PLD1: variants seen among roughly 807,000 people sequenced by gnomAD.
The protein encoded by PLD1 is choline phosphatase 1.
PLD1 carries 112 observed loss-of-function variants against 137.1 expected under a neutral mutation model. The ratio of observed to expected loss-of-function variants is 0.82; its 90% confidence interval spans 0.70 to 0.96. The LOEUF (loss-of-function observed/expected upper bound fraction) is 0.96, where lower values mean the gene tolerates loss of function less well. Among genes scored for constraint, PLD1 ranks in the 40% least tolerant of loss-of-function variants. The pLI is 0.00. For missense variants in PLD1, 1,321 were observed against 1,342.0 expected, an observed-to-expected ratio of 0.98 and a Z score of 0.24; for synonymous variants, 431 against 454.7, an observed-to-expected ratio of 0.95 and a Z score of 0.66.
chr3:171,675,665 T>G (rs1412468429), intron 18 of PLD1, among the ~76,000 whole-genome samples: 16 of 152,226 alleles, frequency 1.1e-4, no homozygotes. Context: ...AAATTTTTGT[T>G]AAAAAATTTC....
At chr3:171,751,735 T>G (rs1720674736) in intron 1 of PLD1, among the ~76,000 whole-genome samples, 1 of 152,210 alleles carries the variant, frequency 6.6e-6, no homozygotes, top group Admixed American at 6.5e-5. Flanking sequence ...GCGCGGTGGC[T>G]CACGCCTGTA....
intron 1 of PLD1, among the ~76,000 whole-genome samples, chr3:171,794,681 G>C (rs983359230): frequency 6.7e-5 from 3 of 44,602 alleles, no homozygotes; most frequent in Non-Finnish European, 1.5e-4. Flanking sequence ...TATTCCTCTA[G>C]TATTAAAAAA....
chr3:171,676,712 T>G lies in PLD1; in HGVS notation c.2115+3A>C, dbSNP rs1430296820. On this transcript the variant is annotated splice_donor_region_variant and intron_variant, in intron 18 of 26. Coordinates refer to ENST00000351298, the MANE Select transcript of PLD1 (RefSeq NM_002662.5). ...ATAAATCATGATAGCAACATCCAAG[T>G]ACTTTTGTGAAGTTCCAGCGCTGGA... 4.4e-6 allele frequency: 7 copies of G among 1,606,800 alleles called. No homozygotes were observed. In the African/African-American group the frequency reaches 9.4e-5, roughly 21 times the overall value.
chr3:171,609,876 G>A (rs1380184494), intron 25 of PLD1, among the ~76,000 whole-genome samples: 1 of 152,016 alleles, frequency 6.6e-6, no homozygotes, highest in African/African-American at 2.4e-5. Flanking sequence ...TAACAAAACT[G>A]TACCTGTACT....
chr3:171,751,741 C>T (rs879319358), intron 1 of PLD1, among the ~76,000 whole-genome samples: 5 of 152,192 alleles, frequency 3.3e-5, no homozygotes, highest in Admixed American at 6.5e-5. Context: ...TGGCTCACGC[C>T]TGTAATCCCA....
rs187570378 is a variant in PLD1, at chr3:171,687,578, C to A, written c.1546G>T (p.Ala516Ser). The A allele has an allele frequency of 1.2e-6, 2 of 1,608,678 alleles. No individual in the cohort carries two copies. The highest frequency in any genetic ancestry group is 2.7e-5 in the African/African-American group (2 of 74,338). ...CTTAAGGATTCCATAGACTCCATTG[C>A]GGCAGGCTGAGAAAAATTTTTTTTT... ...GPSLGSLPPAAMESMESLRLK... is the reference protein window; with the variant it reads ...GPSLGSLPPASMESMESLRLK... The change falls in exon 15 of 27, where the codon GCA becomes TCA. Residue 516 changes from alanine (A) to serine (S), a missense_variant. Ala to Ser is a moderately conservative substitution (Grantham distance 99). Transcript: ENST00000351298.
chr3:171,677,494 C>T, intron 17 of PLD1, 72 bp downstream of exon 17: 1 of 1,450,052 alleles, frequency 6.9e-7, no homozygotes, highest in Non-Finnish European at 9.5e-7. Context: ...AGATCATGCA[C>T]ATGTATACTT....
intron 1 of PLD1, among the ~76,000 whole-genome samples, chr3:171,740,099 C>A (rs1290022019): frequency 6.6e-6 from 1 of 152,170 alleles, no homozygotes; most frequent in Non-Finnish European, 1.5e-5. Context: ...GTTCTTTTAA[C>A]ACGAAAACCC....
Position 171,644,904 on chromosome 3 carries a change from T to C in PLD1, c.2543+6A>G. The C allele has an allele frequency of 6.4e-7, 1 of 1,563,398 alleles. No homozygotes were observed. Among genetic ancestry groups the C allele is most frequent in the Non-Finnish European group, 8.8e-7 (1 of 1,133,560 alleles). ...GCTCAAAATAGACCATTTAGAGTTT[T>C]GGCACCTGTAGTTGAAGTGCATGAT... On this transcript the variant is annotated splice_donor_region_variant and intron_variant, in intron 22 of 26. Transcript: ENST00000351298.
intron 23 of PLD1, among the ~76,000 whole-genome samples, chr3:171,632,850 C>T (rs539405993): frequency 6.6e-6 from 1 of 152,250 alleles, no homozygotes; most frequent in African/African-American, 2.4e-5. Flanking sequence ...TGTGCCATGC[C>T]AAAGCAGGCC....
In PLD1 at chr3:171,612,775, T is replaced by C. The variant is rs1311288155; in HGVS notation, c.2729-343A>G. On this transcript the variant is annotated intron_variant, in intron 24 of 26. Transcript: ENST00000351298. The surrounding 1 kb of genome is among the most constrained non-coding windows in gnomAD (Gnocchi z 4.1). ...TTCTGTCTCTTCCATCCTTTGGATA[T>C]CTTGGCTTGAAGGGTTGGAAGAAGA... Among the ~76,000 whole-genome samples, 1 of 152,188 alleles carries C rather than the reference T, an allele frequency of 6.6e-6. No homozygotes were observed. The highest frequency in any genetic ancestry group is 2.4e-5 in the African/African-American group (1 of 41,438).
At chr3:171,679,993 A>G (rs1057159907) in intron 16 of PLD1, among the ~76,000 whole-genome samples, 11 of 152,076 alleles carry the variant, frequency 7.2e-5, no homozygotes, top group African/African-American at 2.7e-4. Context: ...TGTCAGGCCA[A>G]TTTTCTGCAT....
At chr3:171,661,845 A>G (rs1711532142) in intron 20 of PLD1, among the ~76,000 whole-genome samples, 1 of 152,210 alleles carries the variant, frequency 6.6e-6, no homozygotes, top group Non-Finnish European at 1.5e-5. Context: ...TGAGACTCCC[A>G]ATAGAATCTT....
chr3:171,780,885 C>T (rs1722772297), intron 1 of PLD1, among the ~76,000 whole-genome samples: 1 of 152,150 alleles, frequency 6.6e-6, no homozygotes, highest in Admixed American at 6.5e-5. Context: ...TTTCTGTTCT[C>T]CACAAACTGA....
rs553021928 is a variant in PLD1, at chr3:171,612,150, T to C, written c.2882+129A>G. The C allele has an allele frequency of 1.3e-4, 93 of 733,602 alleles. No homozygotes were observed. The South Asian group carries it at 1.8e-3, about 14-fold the overall frequency. 45.4% of individuals were successfully genotyped at this position (733,602 alleles called of 1,614,324 possible). A position where few individuals can be genotyped will look rare whatever the true frequency, so the allele number is the denominator to read the frequency against. ...CATACTACTGGTGGTACATATCCTA[T>C]ATTCTGGGACACACTGTTTTAGATG... On this transcript the variant is annotated intron_variant, in intron 25 of 26. Coordinates refer to ENST00000351298, the MANE Select transcript of PLD1 (RefSeq NM_002662.5). This position sits in a 1 kb window ranked among gnomAD's most constrained non-coding sequence, Gnocchi z 4.1.
chr3:171,619,805 C>G (rs1733433239), intron 24 of PLD1, among the ~76,000 whole-genome samples: 1 of 152,038 alleles, frequency 6.6e-6, no homozygotes, highest in South Asian at 2.1e-4. Flanking sequence ...AAGGGGATAG[C>G]TGGGTGTGGT....
At position 171,626,647 on chromosome 3, in the gene PLD1, G is replaced by A. The variant is rs1417523644; in HGVS notation, c.2594-6127C>T. Among the ~76,000 whole-genome samples, 39 of 151,618 alleles carry A rather than the reference G, an allele frequency of 2.6e-4. 1 individual carries two copies. Among genetic ancestry groups the A allele is most frequent in the South Asian group, 4.1e-4 (2 of 4,824 alleles). On this transcript the variant is annotated intron_variant, in intron 23 of 26. Coordinates refer to ENST00000351298, the MANE Select transcript of PLD1 (RefSeq NM_002662.5). ...AAGGGAAGCCCATCAGACTAACAGC[G>A]GATCTCTCAGCAGAAACTCTACAAG...
At chr3:171,788,900 T>C (rs1723116419) in intron 1 of PLD1, 1 of 152,238 alleles carries the variant, frequency 6.6e-6, no homozygotes, top group African/African-American at 2.4e-5. Flanking sequence ...TGAGACTGTT[T>C]TTTTGAACTG....
In PLD1 at chr3:171,644,913, T is replaced by G; in HGVS notation, c.2540A>C (p.Tyr847Ser). ...NALQAIMHFN[Y>S]RTMCRGENSI... ...AGACCATTTAGAGTTTTGGCACCTG[T>G]AGTTGAAGTGCATGATTGCCTGTAG... The change falls in exon 22 of 27, where the codon TAC becomes TCC. Residue 847 changes from tyrosine (Y) to serine (S), a missense_variant. Physicochemically the swap from Tyr to Ser is moderately radical, Grantham distance 144. Transcript: ENST00000351298. 2 of 1,593,254 alleles carry G rather than the reference T, an allele frequency of 1.3e-6. No homozygotes were observed. The highest frequency in any genetic ancestry group is 1.1e-5 in the South Asian group (1 of 90,684).
Sources: allele counts gnomAD v4.1 joint callset (sites outside exome capture counted in the v4.1 genomes callset), GRCh38; gene constraint gnomAD v4.1.1; non-coding constraint Gnocchi (gnomAD v3.1); transcripts MANE v1.5; gene names NCBI Gene and HGNC (gene_info 2026-07-23, HGNC 2026-07-21).